ARHGAP24: variants seen among roughly 807,000 people sequenced by gnomAD.
ARHGAP24 encodes the protein Rho GTPase activating protein 24.
Under a neutral mutation model 76.4 loss-of-function variants are expected in ARHGAP24, and 50 were observed. The observed-to-expected ratio is 0.65, with a 90% CI of 0.52 to 0.83. ARHGAP24 has a LOEUF of 0.83. Ranked by LOEUF, ARHGAP24 falls within the 40% of genes least tolerant of loss-of-function variation. The probability of loss-of-function intolerance (pLI) is 0.00; values close to 1 mark genes in which losing one functional copy is unlikely to be tolerated. For missense variants in ARHGAP24, 930 were observed against 914.2 expected (o/e 1.02, Z -0.22); for synonymous variants, 345 against 323.3 (o/e 1.07, Z -0.72).
chr4:85,945,579 T>C (rs1578417890), intron 5 of ARHGAP24, among the ~76,000 whole-genome samples: 1 of 151,800 alleles, frequency 6.6e-6, no homozygotes, highest in Non-Finnish European at 1.5e-5. Flanking sequence ...CTGGCCAACA[T>C]GCTGAAACTG....
In ARHGAP24 at chr4:85,663,777, CAT is replaced by C. The variant is rs1159665966; in HGVS notation, c.181-58107_181-58106del. ...CTTTTTCTGCATCTATTGAGATACT[CAT>C]GTGGTTTTTGTCTTTGGTTCTGTTT... is the stretch of plus-strand genomic sequence containing the variant. On this transcript the variant is annotated intron_variant, in intron 2 of 9. Coordinates refer to ENST00000395184, the MANE Select transcript of ARHGAP24 (RefSeq NM_001025616.3). Among the ~76,000 whole-genome samples, 4 of 151,344 alleles carry C rather than the reference CAT, an allele frequency of 2.6e-5. No individual in the cohort carries two copies. The East Asian group carries it at 7.8e-4, about 29-fold the overall frequency.
intron 2 of ARHGAP24, among the ~76,000 whole-genome samples, chr4:85,683,866 T>C (rs867035638): frequency 2.0e-5 from 3 of 152,214 alleles, no homozygotes; most frequent in Non-Finnish European, 4.4e-5. Context: ...TTGTCCTCTG[T>C]GACTGGCTTA....
At chr4:85,766,553 T>C (rs985509988) in intron 3 of ARHGAP24, among the ~76,000 whole-genome samples, 2 of 152,098 alleles carry the variant, frequency 1.3e-5, no homozygotes, top group Non-Finnish European at 2.9e-5. Context: ...AGGTGATTCC[T>C]ATGCATGTTA....
At chr4:85,610,792 G>A (rs1305409037) in intron 2 of ARHGAP24, among the ~76,000 whole-genome samples, 4 of 151,984 alleles carry the variant, frequency 2.6e-5, no homozygotes, top group South Asian at 2.1e-4. Flanking sequence ...GTCTTTCCAG[G>A]CCTCCTACAG....
At chr4:85,486,687 T>C (rs1481461001) in intron 1 of ARHGAP24, among the ~76,000 whole-genome samples, 1 of 152,206 alleles carries the variant, frequency 6.6e-6, no homozygotes, top group Non-Finnish European at 1.5e-5. Flanking sequence ...GACATACTAG[T>C]AATAGTTCCT....
At chr4:85,759,815 C>A (rs1477741263) in intron 3 of ARHGAP24, among the ~76,000 whole-genome samples, 2 of 152,122 alleles carry the variant, frequency 1.3e-5, no homozygotes, top group Non-Finnish European at 2.9e-5. Flanking sequence ...TTTATCAATT[C>A]TTGGAATGAA....
chr4:85,632,700 G>T (rs1721195998), intron 2 of ARHGAP24, among the ~76,000 whole-genome samples: 1 of 151,938 alleles, frequency 6.6e-6, no homozygotes, highest in Non-Finnish European at 1.5e-5. Flanking sequence ...ATGTCTAATG[G>T]CAGTGTCCAA....
At chr4:85,650,326 G>A in intron 2 of ARHGAP24, among the ~76,000 whole-genome samples, 1 of 149,672 alleles carries the variant, frequency 6.7e-6, no homozygotes, top group Non-Finnish European at 1.5e-5. Context: ...TGCTTGAAGT[G>A]AATTATTATC....
At chr4:85,812,354 A>G (rs1201952974) in intron 3 of ARHGAP24, among the ~76,000 whole-genome samples, 1 of 152,182 alleles carries the variant, frequency 6.6e-6, no homozygotes, top group Non-Finnish European at 1.5e-5. Context: ...TAGATTTCAA[A>G]CATAGGTTTA....
intron 1 of ARHGAP24, among the ~76,000 whole-genome samples, chr4:85,522,963 T>C (rs928172445): frequency 6.6e-6 from 1 of 152,224 alleles, no homozygotes; most frequent in Admixed American, 6.5e-5. Flanking sequence ...GATGTGTGTA[T>C]GTAAATAGCT....
At chr4:85,622,815 T>A (rs1482954313) in intron 2 of ARHGAP24, among the ~76,000 whole-genome samples, 2 of 152,228 alleles carry the variant, frequency 1.3e-5, no homozygotes, top group African/African-American at 4.8e-5. Flanking sequence ...GATATCTCAT[T>A]GTGGTTTTGA....
rs146506120 is a variant in ARHGAP24, at chr4:85,995,075, C to T, written c.1421C>T (p.Thr474Met). Residue 474 changes from threonine (T) to methionine (M), a missense_variant, in exon 9 of 10, where the codon ACG (threonine) becomes ATG (methionine). Coordinates refer to ENST00000395184, the MANE Select transcript of ARHGAP24 (RefSeq NM_001025616.3). Reference protein sequence around the residue: ...SLKVSGTKMGTHSVQNGTVRM... With the variant: ...SLKVSGTKMGMHSVQNGTVRM... ...AAGGTATCTGGTACCAAAATGGGCACGCACAGTGTACAGAATGGAACGGTG... is the reference window on the plus strand; with the variant it reads ...AAGGTATCTGGTACCAAAATGGGCATGCACAGTGTACAGAATGGAACGGTG... The T allele has an allele frequency of 2.1e-5, 34 of 1,613,864 alleles. No individual in the cohort carries two copies. The highest frequency in any genetic ancestry group is 6.7e-5 in the African/African-American group (5 of 74,852).
At chr4:85,907,788 A>G (rs546419371) in intron 3 of ARHGAP24, among the ~76,000 whole-genome samples, 2 of 152,274 alleles carry the variant, frequency 1.3e-5, no homozygotes, top group African/African-American at 4.8e-5. Flanking sequence ...GGTGCCTGCC[A>G]TATATTATTG....
At chr4:85,980,589 G>A (rs1264615365) in intron 8 of ARHGAP24, among the ~76,000 whole-genome samples, 2 of 152,068 alleles carry the variant, frequency 1.3e-5, no homozygotes, top group African/African-American at 4.8e-5. Context: ...TATGCTTTCA[G>A]AATATATACC....
chr4:85,978,983 A>G (rs1490137501), intron 8 of ARHGAP24, among the ~76,000 whole-genome samples: 1 of 151,766 alleles, frequency 6.6e-6, no homozygotes, highest in Admixed American at 6.6e-5. Context: ...AATATACAGC[A>G]CCCCCTATAA....
chr4:85,743,290 G>A (rs1460438668), intron 3 of ARHGAP24, among the ~76,000 whole-genome samples: 1 of 149,912 alleles, frequency 6.7e-6, no homozygotes, highest in African/African-American at 2.5e-5. Flanking sequence ...GAAAGACAAA[G>A]GGACTTCAAA....
chr4:85,737,475 T>G, intron 3 of ARHGAP24, among the ~76,000 whole-genome samples: 1 of 152,206 alleles, frequency 6.6e-6, no homozygotes, highest in Non-Finnish European at 1.5e-5. Flanking sequence ...GGTTGTGGGC[T>G]CAGTCTAATG....
intron 2 of ARHGAP24, among the ~76,000 whole-genome samples, chr4:85,649,250 T>C (rs1409013385): frequency 6.6e-6 from 1 of 152,152 alleles, no homozygotes; most frequent in Non-Finnish European, 1.5e-5. Context: ...CGATTCTCTA[T>C]TCTTGACTGT....
chr4:85,995,791 C>A, intron 9 of ARHGAP24, 134 bp downstream of exon 9: 1 of 881,626 alleles, frequency 1.1e-6, no homozygotes, highest in Non-Finnish European at 1.8e-6. Context: ...CATTTATGAG[C>A]TTTGTGACTG....
Sources: gnomAD v4.1 joint callset for allele counts (sites outside exome capture counted in the v4.1 genomes callset) on GRCh38, gnomAD v4.1.1 for gene constraint, MANE v1.5 for transcripts, NCBI Gene and HGNC (gene_info 2026-07-23, HGNC 2026-07-21) for gene names.